Variants in ATOSA observed in about 807,000 individuals in gnomAD.
The protein encoded by ATOSA is atos homolog protein A.
At chr15:52,664,487 T>G in the ATOSA span, among the ~76,000 whole-genome samples, 1 of 152,190 alleles carries the variant, frequency 6.6e-6, no homozygotes, top group African/African-American at 2.4e-5. Context: ...ATTCCCATTT[T>G]TACAGATTTC....
the ATOSA span, among the ~76,000 whole-genome samples, chr15:52,681,875 G>A: frequency 0.049 from 7,397 of 152,272 alleles, 320 homozygotes; most frequent in East Asian, 0.23. Flanking sequence ...AAGGTGATGA[G>A]GATAACTGGT....
At chr15:52,704,721 G>A in the ATOSA span, among the ~76,000 whole-genome samples, 7 of 152,176 alleles carry the variant, frequency 4.6e-5, no homozygotes, top group Non-Finnish European at 8.8e-5. Flanking sequence ...GTTCTCAAAA[G>A]AAGACATTTA....
chr15:52,635,947 C>A, the ATOSA span, among the ~76,000 whole-genome samples: 2 of 150,600 alleles, frequency 1.3e-5, no homozygotes, highest in East Asian at 3.9e-4. Context: ...TGCATTGAGC[C>A]AAGATTGCAC....
At chr15:52,657,201 G>A in the ATOSA span, 2 of 151,900 alleles carry the variant, frequency 1.3e-5, no homozygotes, top group Admixed American at 1.3e-4. Flanking sequence ...ACCTATCACT[G>A]ATACATGTCA....
the ATOSA span, among the ~76,000 whole-genome samples, chr15:52,638,314 C>T: frequency 5.9e-5 from 9 of 152,152 alleles, no homozygotes; most frequent in African/African-American, 1.4e-4. Flanking sequence ...TATTTAAAAA[C>T]GCTTACCTTC....
chr15:52,636,116 AAATTT>A, the ATOSA span, among the ~76,000 whole-genome samples: 11 of 35,444 alleles, frequency 3.1e-4, no homozygotes, highest in African/African-American at 6.8e-4. Context: ...TTAAAATAAT[AAATTT>A]AATAAATATA....
At chr15:52,700,689 A>T in the ATOSA span, among the ~76,000 whole-genome samples, 2 of 152,228 alleles carry the variant, frequency 1.3e-5, no homozygotes, top group African/African-American at 4.8e-5. Flanking sequence ...ATTAAAGATA[A>T]TTAAGCAGTA....
the ATOSA span, among the ~76,000 whole-genome samples, chr15:52,589,972 G>A: frequency 2.0e-5 from 3 of 152,030 alleles, no homozygotes; most frequent in Admixed American, 2.0e-4. Context: ...GCTTTTAGTA[G>A]AGACGGGGTT....
At chr15:52,602,254 C>T in the ATOSA span, among the ~76,000 whole-genome samples, 1 of 152,236 alleles carries the variant, frequency 6.6e-6, no homozygotes, top group African/African-American at 2.4e-5. Flanking sequence ...ATGCATTTTT[C>T]ATATCTAGAA....
chr15:52,589,120 A>G, the ATOSA span, among the ~76,000 whole-genome samples: 90,598 of 152,096 alleles, frequency 0.6, 29,891 homozygotes, highest in Non-Finnish European at 0.74. Flanking sequence ...GATTTGTCAT[A>G]TGGTTATTTA....
chr15:52,691,552 C>T, the ATOSA span, among the ~76,000 whole-genome samples: 1 of 152,094 alleles, frequency 6.6e-6, no homozygotes, highest in African/African-American at 2.4e-5. Flanking sequence ...AGGTAGAGAA[C>T]CCAAATAGAT....
the ATOSA span, among the ~76,000 whole-genome samples, chr15:52,668,594 T>C: frequency 6.6e-6 from 1 of 152,054 alleles, no homozygotes; most frequent in Non-Finnish European, 1.5e-5. Context: ...GTGCATGAGG[T>C]GAAAGATATG....
At chr15:52,609,422 G>C in the ATOSA span, 1 of 1,613,772 alleles carries the variant, frequency 6.2e-7, no homozygotes, top group African/African-American at 1.3e-5. Context: ...GATGCTGTTG[G>C]ATCAATGTGC....
chr15:52,594,723 C>T, the ATOSA span, among the ~76,000 whole-genome samples: 5 of 152,198 alleles, frequency 3.3e-5, no homozygotes, highest in African/African-American at 9.6e-5. Flanking sequence ...TCCATCCCCA[C>T]TACTACCACT....
the ATOSA span, chr15:52,609,825 T>C: frequency 6.2e-7 from 1 of 1,613,618 alleles, no homozygotes; most frequent in Non-Finnish European, 8.5e-7. Context: ...TTAAAGAGCC[T>C]ATTAAAGGGT....
At chr15:52,645,447 T>TAAAG in the ATOSA span, among the ~76,000 whole-genome samples, 1 of 151,594 alleles carries the variant, frequency 6.6e-6, no homozygotes, top group Middle Eastern at 3.4e-3. Flanking sequence ...CCATCTCAAA[T>TAAAG]AAATAAATAA....
chr15:52,651,963 G>A, the ATOSA span: 6 of 1,534,514 alleles, frequency 3.9e-6, no homozygotes, highest in South Asian at 3.6e-5. Flanking sequence ...TATACTATCA[G>A]TAACTGAGGG....
chr15:52,614,043 G>A, the ATOSA span: 3 of 557,224 alleles, frequency 5.4e-6, no homozygotes, highest in Admixed American at 2.8e-5. Context: ...AGGAGATGAT[G>A]GATAATTCCA....
the ATOSA span, among the ~76,000 whole-genome samples, chr15:52,623,497 A>G: frequency 6.6e-6 from 1 of 151,940 alleles, no homozygotes; most frequent in South Asian, 2.1e-4. Flanking sequence ...AGAGCAGGGA[A>G]CTCATGACAG....
Sources: allele counts gnomAD v4.1 joint callset (sites outside exome capture counted in the v4.1 genomes callset), GRCh38; gene constraint gnomAD v4.1.1; transcripts MANE v1.5; gene names NCBI Gene and HGNC (gene_info 2026-07-23, HGNC 2026-07-21).